The following CCDC14 variants were observed in gnomAD, a reference collection of about 807,000 sequenced individuals.
CCDC14 encodes coiled-coil domain containing 14.
CCDC14 carries 71 observed loss-of-function variants against 81.4 expected under a neutral mutation model. The ratio of observed to expected loss-of-function variants is 0.87; its 90% CI spans 0.72 to 1.06. CCDC14 has a LOEUF of 1.06. Ranked by LOEUF, CCDC14 falls within the 50% of genes least tolerant of loss-of-function variation. The pLI is 0.00. For missense variants in CCDC14, 1,046 were observed against 1,047.3 expected, an observed-to-expected ratio of 1.00 and a Z score of 0.02; for synonymous variants, 332 against 364.8, an observed-to-expected ratio of 0.91 and a Z score of 1.03.
intron 1 of CCDC14, among the ~76,000 whole-genome samples, chr3:123,960,249 T>C (rs2037599201): frequency 1.3e-5 from 2 of 152,250 alleles, no homozygotes; most frequent in Admixed American, 1.3e-4. Flanking sequence ...AAGATAATAC[T>C]GCCTTTGTAG....
At chr3:123,942,747 TAATA>T (rs1324234436) in intron 9 of CCDC14, among the ~76,000 whole-genome samples, 1 of 152,044 alleles carries the variant, frequency 6.6e-6, no homozygotes, top group Non-Finnish European at 1.5e-5. Flanking sequence ...CAAAGTGTAT[TAATA>T]AATAGACACT....
chr3:123,899,516 C>T (rs191047314), intron 5 of CCDC14, among the ~76,000 whole-genome samples: 5 of 152,348 alleles, frequency 3.3e-5, no homozygotes, highest in East Asian at 1.9e-4. Context: ...GACACTGACA[C>T]CCATCCAGCA....
rs772874808 is a variant in CCDC14 at position 123,956,100 on chromosome 3, C to T, written c.175G>A (p.Gly59Arg). ...DSESQAETVH[G>R]LDGCASLLRD... The stretch of plus-strand genomic sequence containing the variant: ...AGCAAAGAAGCACAACCATCAAGCC[C>T]GTGTACAGTTTCAGCCTGTAAGAAA... The change falls in exon 4 of 13, where the codon GGG (glycine) becomes AGG (arginine). Residue 59 changes from glycine to arginine, a missense_variant. Coordinates refer to ENST00000409697, the MANE Select transcript of CCDC14 (RefSeq NM_001366335.1). 9.1e-6 allele frequency: 14 copies of T among 1,546,554 alleles called. No individual in the cohort carries two copies. The highest frequency in any genetic ancestry group is 2.5e-5 in the East Asian group (1 of 40,792).
intron 12 of CCDC14, among the ~76,000 whole-genome samples, chr3:123,926,247 T>A (rs750849607): frequency 9.2e-5 from 14 of 152,076 alleles, no homozygotes; most frequent in Non-Finnish European, 1.8e-4. Flanking sequence ...GACTCACCAT[T>A]GTCTCTGAAA....
intron 12 of CCDC14, 136 bp from the exon 13 acceptor site, chr3:123,915,854 A>G: frequency 1.7e-6 from 1 of 605,152 alleles, no homozygotes; most frequent in Non-Finnish European, 2.8e-6. Flanking sequence ...AACTAGAAGC[A>G]CAAAATCACA....
At chr3:123,932,018 C>A (rs116803196) in intron 10 of CCDC14, among the ~76,000 whole-genome samples, 152 of 152,166 alleles carry the variant, frequency 1.0e-3, no homozygotes, top group African/African-American at 3.6e-3. Flanking sequence ...CTGTTGTATA[C>A]AAACACATAG....
chr3:123,907,588 C>T (rs903188093), intron 5 of CCDC14, among the ~76,000 whole-genome samples: 18 of 151,620 alleles, frequency 1.2e-4, no homozygotes, highest in Non-Finnish European at 2.2e-4. Flanking sequence ...CGTGGTTGTA[C>T]ACTCTTGTAA....
chr3:123,955,728 TA>T (rs2037284769), intron 5 of CCDC14, 114 bp downstream of exon 5: 5 of 950,400 alleles, frequency 5.3e-6, no homozygotes, highest in Non-Finnish European at 7.4e-6. Flanking sequence ...TAAGCACACA[TA>T]AACCTAACTA....
chr3:123,951,618 C>T (rs1238050896), intron 5 of CCDC14, among the ~76,000 whole-genome samples: 2 of 152,138 alleles, frequency 1.3e-5, no homozygotes, highest in African/African-American at 4.8e-5. Context: ...TTTCCTTCTG[C>T]TCTTGGATTT....
intron 12 of CCDC14, 63 bp from the exon 13 acceptor site, chr3:123,915,781 T>A: frequency 8.2e-7 from 1 of 1,214,522 alleles, no homozygotes; most frequent in Non-Finnish European, 1.1e-6. Context: ...TTCACTTATC[T>A]ATACCTCCAT....
intron 12 of CCDC14, among the ~76,000 whole-genome samples, chr3:123,919,062 A>T (rs1350884393): frequency 6.6e-6 from 1 of 152,160 alleles, no homozygotes; most frequent in Non-Finnish European, 1.5e-5. Context: ...TGAGAGGGCG[A>T]GCGGTAACCC....
chr3:123,885,921 G>A, the CCDC14 span, among the ~76,000 whole-genome samples: 2 of 152,202 alleles, frequency 1.3e-5, no homozygotes, highest in African/African-American at 4.8e-5. Flanking sequence ...GGAAAGGCAC[G>A]ATGAATACCT....
chr3:123,912,516 T>C (rs1173814103), downstream of CCDC14, among the ~76,000 whole-genome samples: 2 of 152,336 alleles, frequency 1.3e-5, no homozygotes, highest in Admixed American at 1.3e-4. Context: ...CTATCCTCTG[T>C]AGTTCCTATT....
At position 123,913,430 on chromosome 3, in the gene CCDC14, C is replaced by A; in HGVS notation, c.*1349G>T. On this transcript the variant is annotated 3_prime_UTR_variant, in exon 13 of 13. Transcript: ENST00000409697. ...GTAGACAGATGACACAATTTTTTTC[C>A]TTTTTTATTATTTTTTATTTCTGAA... 2.0e-6 allele frequency: 2 copies of A among 981,972 alleles called. No homozygotes were observed. Among genetic ancestry groups the A allele is most frequent in the Non-Finnish European group, 2.4e-6 (2 of 827,002 alleles). The allele number at this position is 981,972 out of a possible 1,614,324, so 60.8% of individuals were successfully genotyped here. A position where few individuals can be genotyped will look rare whatever the true frequency, so the allele number is the denominator to read the frequency against.
At position 123,934,270 on chromosome 3, in the gene CCDC14, C is replaced by CAAAAAAAAAAAAAAAAAA. The variant is rs61094944; in HGVS notation, c.1344-533_1344-516dup. ...CTGGCGAAAGAGTGAGACTCTGCCT[C>CAAAAAAAAAAAAAAAAAA]AAAAAAAAAAAAAAAAAAAAAAAAA... is the stretch of plus-strand genomic sequence containing the variant. On this transcript the variant is annotated intron_variant, in intron 9 of 12. Coordinates refer to ENST00000409697, the MANE Select transcript of CCDC14 (RefSeq NM_001366335.1). Among the ~76,000 whole-genome samples, 52 of 52,290 alleles carry CAAAAAAAAAAAAAAAAAA rather than the reference C, an allele frequency of 9.9e-4. 4 individuals carry two copies. The highest frequency in any genetic ancestry group is 4.1e-3 in the African/African-American group (49 of 11,846). 34.3% of individuals were successfully genotyped at this position (52,290 alleles called of 152,430 possible).
downstream of CCDC14, among the ~76,000 whole-genome samples, chr3:123,895,222 G>C (rs2034041818): frequency 6.6e-6 from 1 of 152,104 alleles, no homozygotes. Flanking sequence ...TCTCCCATCT[G>C]TCTATGCACA....
At position 123,944,735 on chromosome 3, in the gene CCDC14, G is replaced by A. The variant is rs2036534863; in HGVS notation, c.1343+114C>T. On this transcript the variant is annotated intron_variant, in intron 9 of 12. Coordinates refer to ENST00000409697, the MANE Select transcript of CCDC14 (RefSeq NM_001366335.1). ...AATGAGGAAGAAAAGTAGAAATACA[G>A]TAAGACAGCAAATAAATTTTACTTA... 11 of 665,608 alleles carry A rather than the reference G, an allele frequency of 1.7e-5. 1 individual carries two copies. In the East Asian group the frequency reaches 3.4e-4, roughly 21 times the overall value. 41.2% of individuals were successfully genotyped at this position (665,608 alleles called of 1,614,324 possible). A position where few individuals can be genotyped will look rare whatever the true frequency, so the allele number is the denominator to read the frequency against.
At chr3:123,918,752 T>C (rs1324371943) in intron 12 of CCDC14, among the ~76,000 whole-genome samples, 1 of 152,110 alleles carries the variant, frequency 6.6e-6, no homozygotes, top group Non-Finnish European at 1.5e-5. Flanking sequence ...CTAGAACACT[T>C]GGGGTTAGCG....
intron 5 of CCDC14, 37 bp downstream of exon 5, chr3:123,955,806 G>A (rs2037288323): frequency 6.9e-7 from 1 of 1,443,078 alleles, no homozygotes; most frequent in East Asian, 2.5e-5. Flanking sequence ...CCACAATTAA[G>A]GATTATCTTT....
Sources: gnomAD v4.1 joint callset for allele counts (sites outside exome capture counted in the v4.1 genomes callset) on GRCh38, gnomAD v4.1.1 for gene constraint, MANE v1.5 for transcripts, NCBI Gene and HGNC (gene_info 2026-07-23, HGNC 2026-07-21) for gene names.